Variants in XPO1 observed in about 807,000 individuals in gnomAD.
The protein encoded by XPO1 is exportin-1.
XPO1 carries 5 observed loss-of-function variants against 133.3 expected under a neutral mutation model. That is an observed-to-expected ratio of 0.04 (90% CI 0.02 to 0.08). The LOEUF is 0.08. Ranked by LOEUF, XPO1 falls within the 10% of genes least tolerant of loss-of-function variation. The pLI is 1.00. For synonymous variants in XPO1, 419 were observed against 408.2 expected, an observed-to-expected ratio of 1.03 and a Z score of -0.32; for missense variants, 506 against 1,267.5, an observed-to-expected ratio of 0.40 and a Z score of 9.12.
In XPO1 at chr2:61,485,855, A is replaced by G. The variant is rs764840562; in HGVS notation, c.2421T>C (p.Ile807=). 3.1e-6 allele frequency: 5 copies of G among 1,614,122 alleles called. No individual in the cohort carries two copies. Among genetic ancestry groups the G allele is most frequent in the Non-Finnish European group, 4.2e-6 (5 of 1,180,008 alleles). Residue 807 remains isoleucine, a synonymous_variant, in exon 20 of 25, where the codon ATT becomes ATC. Transcript: ENST00000401558. ...EPEVLSTMAI[I]VNKLGGHITA... is the part of the protein sequence containing the mutation. ...TTATATGTCCCCCTAACTTGTTGAC[A>G]ATTATGGCCATAGTACTAAGCACTT...
chr2:61,529,982 G>A (rs773944883), intron 2 of XPO1, among the ~76,000 whole-genome samples: 2 of 152,138 alleles, frequency 1.3e-5, no homozygotes, highest in Non-Finnish European at 2.9e-5. Context: ...GGACTGATGG[G>A]CATAATGTGT....
intron 4 of XPO1, among the ~76,000 whole-genome samples, chr2:61,511,737 G>C (rs1573180913): frequency 1.3e-5 from 2 of 151,670 alleles, no homozygotes; most frequent in Non-Finnish European, 2.9e-5. Context: ...ATAATTTATA[G>C]CTTACAGATA....
Position 61,478,649 on chromosome 2 carries a change from A to T in XPO1, c.*171T>A, listed in dbSNP as rs1476140928. 3 of 645,132 alleles carry T rather than the reference A, an allele frequency of 4.7e-6. No individual in the cohort carries two copies. The highest frequency in any genetic ancestry group is 5.0e-6 in the Non-Finnish European group (2 of 402,806). The allele number at this position is 645,132 out of a possible 1,614,324, so 40.0% of individuals were successfully genotyped here. On this transcript the variant is annotated 3_prime_UTR_variant, in exon 25 of 25. Transcript: ENST00000401558. ...AGATGACCAAAACAAAAGCTTAAAC[A>T]ATGGAAGGATATTTCACAGAAAATT...
In XPO1 at chr2:61,493,031, C is replaced by A; in HGVS notation, c.1268G>T (p.Arg423Leu). The change falls in exon 13 of 25, where the codon CGA becomes CTA. Residue 423 changes from arginine to leucine, a missense_variant. Coordinates refer to ENST00000401558, the MANE Select transcript of XPO1 (RefSeq NM_003400.4). ...CAATACTTCCTCTGGTTTAGCCATT[C>A]GACTAACCATTAATAAACGGACCTA... Reference protein sequence around the residue: ...LFKVRLLMVSRMAKPEEVLVV... With the variant: ...LFKVRLLMVSLMAKPEEVLVV... 2 of 1,601,138 alleles carry A rather than the reference C, an allele frequency of 1.2e-6. No individual in the cohort carries two copies. The highest frequency in any genetic ancestry group is 2.2e-5 in the East Asian group (1 of 44,822).
At chr2:61,482,059 C>CTTTTTTTTTTTTTTTTTTTT (rs1273871116) in intron 23 of XPO1, among the ~76,000 whole-genome samples, 382 of 41,006 alleles carry the variant, frequency 9.3e-3, no homozygotes, top group Middle Eastern at 0.027. Context: ...TTTTTTTTTG[C>CTTTTTTTTTTTTTTTTTTTT]TTTTTTAAAG....
chr2:61,481,440 G>T (rs950105888), intron 23 of XPO1, among the ~76,000 whole-genome samples, 159 bp from the exon 24 acceptor site: 3 of 143,580 alleles, frequency 2.1e-5, no homozygotes, highest in African/African-American at 5.1e-5. Context: ...TCCCAATAAT[G>T]TTTTTTTTTT....
intron 4 of XPO1, among the ~76,000 whole-genome samples, chr2:61,505,725 T>C (rs1385120390): frequency 6.6e-6 from 1 of 152,090 alleles, no homozygotes; most frequent in Non-Finnish European, 1.5e-5. Flanking sequence ...CACCTGGCTT[T>C]TTTTTGTATT....
chr2:61,528,733 TTATATATATATATA>T (rs10528074), intron 2 of XPO1, among the ~76,000 whole-genome samples: 1,907 of 115,714 alleles, frequency 0.016, 57 homozygotes, highest in African/African-American at 0.051. Flanking sequence ...GACATTTTAT[TTATATATATATATA>T]TATATATATA....
intron 2 of XPO1, among the ~76,000 whole-genome samples, chr2:61,530,316 C>T (rs552291078): frequency 6.6e-6 from 1 of 152,152 alleles, no homozygotes; most frequent in South Asian, 2.1e-4. Flanking sequence ...CTAGTATTTG[C>T]ATTCTGATTT....
At chr2:61,533,630 T>C in intron 2 of XPO1, 142 bp downstream of exon 2, 1 of 1,054,474 alleles carries the variant, frequency 9.5e-7, no homozygotes, top group Non-Finnish European at 1.2e-6. Context: ...CAAACCAATT[T>C]TCATTATGGT....
At position 61,527,818 on chromosome 2, in the gene XPO1, A is replaced by G. The variant is rs1698971332; in HGVS notation, c.127-1297T>C. ...CCCAGAAATACTAATCTACGTAGTC[A>G]TCATCTTGTGCTTGTATCAGATTTT... On this transcript the variant is annotated intron_variant, in intron 2 of 24. Transcript: ENST00000401558. Among the ~76,000 whole-genome samples the G allele has an allele frequency of 2.0e-5, 3 of 152,076 alleles. No homozygotes were observed. The South Asian group carries it at 6.2e-4, about 31-fold the overall frequency.
chr2:61,532,936 G>A (rs1389554293), intron 2 of XPO1, among the ~76,000 whole-genome samples: 3 of 152,120 alleles, frequency 2.0e-5, no homozygotes. Flanking sequence ...CCAGCACTTT[G>A]GGAGGCCGAG....
At chr2:61,532,182 C>A (rs1043414048) in intron 2 of XPO1, among the ~76,000 whole-genome samples, 35 of 152,176 alleles carry the variant, frequency 2.3e-4, no homozygotes, top group African/African-American at 8.2e-4. Context: ...GGCTGGAGTG[C>A]AGTGGCGCAA....
rs543986776 is a variant in XPO1 at position 61,510,319 on chromosome 2, G to C, written c.302-8009C>G. On this transcript the variant is annotated intron_variant, in intron 4 of 24. Transcript: ENST00000401558. ...AACACACAAAATCGATCTTTTGAAA[G>C]ATGGTCAATAAAATAGTGATCTGCT... Among the ~76,000 whole-genome samples the C allele has an allele frequency of 2.6e-5, 4 of 152,258 alleles. No homozygotes were observed. The South Asian group carries it at 8.3e-4, about 32-fold the overall frequency.
intron 2 of XPO1, among the ~76,000 whole-genome samples, chr2:61,530,250 G>A (rs191988300): frequency 3.3e-5 from 5 of 152,160 alleles, no homozygotes; most frequent in African/African-American, 1.2e-4. Flanking sequence ...CACATCAATC[G>A]CTACATAAAT....
intron 17 of XPO1, 99 bp downstream of exon 17, chr2:61,490,543 T>G: frequency 6.6e-7 from 1 of 1,508,664 alleles, no homozygotes; most frequent in South Asian, 1.2e-5. Context: ...CACTTATGGA[T>G]CACACATACA....
chr2:61,525,906 C>A (rs769873073), intron 3 of XPO1: 53 of 1,048,172 alleles, frequency 5.1e-5, no homozygotes, highest in Non-Finnish European at 6.1e-5. Context: ...CTAAAACAGA[C>A]AAAACACATT....
chr2:61,484,293 C>T (rs956078198), intron 20 of XPO1, 188 bp from the exon 21 acceptor site: 4 of 529,494 alleles, frequency 7.6e-6, no homozygotes, highest in African/African-American at 1.9e-5. Context: ...GAAACTGTCC[C>T]GTTACGCACA....
At position 61,495,426 on chromosome 2, in the gene XPO1, T is replaced by G. The variant is rs1268414826; in HGVS notation, c.1047+29A>C. 2.0e-6 allele frequency: 3 copies of G among 1,489,930 alleles called. No individual in the cohort carries two copies. The African/African-American group carries it at 4.2e-5, about 21-fold the overall frequency. 92.3% of individuals were successfully genotyped at this position (1,489,930 alleles called of 1,614,324 possible). On this transcript the variant is annotated intron_variant, in intron 11 of 24. Transcript: ENST00000401558. ...GAGTTATTAGTAGGCAGAGCAGAAT[T>G]TTAGGAGCAAAAGCTCCACATATCT... is the stretch of plus-strand genomic sequence containing the variant.
Sources: gnomAD v4.1 joint callset for allele counts (sites outside exome capture counted in the v4.1 genomes callset) on GRCh38, gnomAD v4.1.1 for gene constraint, MANE v1.5 for transcripts, NCBI Gene and HGNC (gene_info 2026-07-23, HGNC 2026-07-21) for gene names.